Variants in ZNF804B observed in about 807,000 individuals in gnomAD.
ZNF804B encodes the protein zinc finger protein 804B, also known as zinc finger 804B.
ZNF804B carries 80 observed loss-of-function variants against 101.4 expected under a neutral mutation model. That is an observed-to-expected ratio of 0.79 (90% CI 0.66 to 0.95). The LOEUF (loss-of-function observed/expected upper bound fraction) is 0.95. Among genes scored for constraint, ZNF804B ranks in the 40% least tolerant of loss-of-function variants. ZNF804B has a pLI of 0.00. For missense variants in ZNF804B, 1,673 were observed against 1,561.9 expected, an observed-to-expected ratio of 1.07 and a Z score of -1.20; for synonymous variants, 622 against 558.8, an observed-to-expected ratio of 1.11 and a Z score of -1.59.
intron 2 of ZNF804B, among the ~76,000 whole-genome samples, chr7:89,270,205 C>T (rs913627352): frequency 3.9e-5 from 6 of 152,098 alleles, no homozygotes; most frequent in Non-Finnish European, 7.4e-5. Flanking sequence ...TAGGTCTAAA[C>T]ATTTAAGTCT....
At chr7:89,154,663 G>C (rs936504380) in intron 1 of ZNF804B, among the ~76,000 whole-genome samples, 2 of 151,972 alleles carry the variant, frequency 1.3e-5, no homozygotes, top group African/African-American at 4.8e-5. Context: ...AAAAATCAAA[G>C]CAATTGACCT....
intron 1 of ZNF804B, among the ~76,000 whole-genome samples, chr7:89,129,158 G>C (rs1790511166): frequency 6.6e-6 from 1 of 151,894 alleles, no homozygotes; most frequent in Non-Finnish European, 1.5e-5. Context: ...ATAAATTCAG[G>C]ACATCATTTG....
intron 1 of ZNF804B, among the ~76,000 whole-genome samples, chr7:88,769,612 C>G (rs1442927859): frequency 6.6e-6 from 1 of 152,168 alleles, no homozygotes; most frequent in African/African-American, 2.4e-5. Flanking sequence ...TTGATCATTT[C>G]TTTCCTATTT....
At chr7:89,101,893 AT>A (rs1420449527) in intron 1 of ZNF804B, among the ~76,000 whole-genome samples, 2 of 151,840 alleles carry the variant, frequency 1.3e-5, no homozygotes, top group African/African-American at 4.8e-5. Flanking sequence ...TCCAGAGTCT[AT>A]TCCTTCCATC....
Position 89,165,112 on chromosome 7 carries a change from T to A in ZNF804B, c.109-53043T>A, listed in dbSNP as rs190609616. ...AATCTTGGTCTATCATATTCAGAGC[T>A]GGTGTTCCAAACTGATTATTCTGCT... On this transcript the variant is annotated intron_variant, in intron 1 of 3. Transcript: ENST00000333190. 7.6e-4 allele frequency among the ~76,000 whole-genome samples: 115 copies of A among 152,276 alleles called. 4 individuals carry two copies. In the East Asian group the frequency reaches 0.019, roughly 26 times the overall value.
rs189024681 is a variant in ZNF804B, at chr7:89,009,424, T to A, written c.109-208731T>A. On this transcript the variant is annotated intron_variant, in intron 1 of 3. Transcript: ENST00000333190. Reference sequence around the variant, plus strand: ...CAAGATAAATATTTTCTTAGGGAAATTTAATACCTGTCAAATTGAAAACAC... The same window carrying A: ...CAAGATAAATATTTTCTTAGGGAAAATTAATACCTGTCAAATTGAAAACAC... 7.6e-3 allele frequency among the ~76,000 whole-genome samples: 1,161 copies of A among 152,252 alleles called. 18 individuals are homozygous for A. Among genetic ancestry groups the A allele is most frequent in the African/African-American group, 0.027 (1,107 of 41,556 alleles).
In ZNF804B at chr7:89,156,014, T is replaced by TTTC. The variant is rs1297869244; in HGVS notation, c.109-62141_109-62140insTTC. On this transcript the variant is annotated intron_variant, in intron 1 of 3. Transcript: ENST00000333190. Reference sequence around the variant, plus strand: ...TTCCTTCTTTCTTTCTTTCTTTCTCTCTTTCCTTTCTTTCTTTCTTTCTTT... The same window carrying TTTC: ...TTCCTTCTTTCTTTCTTTCTTTCTCTTTCCTTTCCTTTCTTTCTTTCTTTCTTT... 1.4e-3 allele frequency among the ~76,000 whole-genome samples: 132 copies of TTTC among 91,344 alleles called. 1 individual carries two copies. The highest frequency in any genetic ancestry group is 4.2e-3 in the African/African-American group (115 of 27,478). The allele number at this position is 91,344 out of a possible 152,430, so 59.9% of individuals were successfully genotyped here. A position where few individuals can be genotyped will look rare whatever the true frequency, so the allele number is the denominator to read the frequency against.
chr7:89,194,653 T>A (rs1788517215), intron 1 of ZNF804B, among the ~76,000 whole-genome samples: 1 of 151,938 alleles, frequency 6.6e-6, no homozygotes, highest in Non-Finnish European at 1.5e-5. Context: ...GAGGGCTCTG[T>A]CCTGTTCCAT....
intron 1 of ZNF804B, among the ~76,000 whole-genome samples, chr7:89,108,223 C>CTTTTT (rs68099837): frequency 2.9e-5 from 4 of 140,340 alleles, no homozygotes; most frequent in African/African-American, 5.4e-5. Flanking sequence ...TAATTAGCTG[C>CTTTTT]TTTTTTTTTT....
intron 1 of ZNF804B, among the ~76,000 whole-genome samples, chr7:89,161,359 A>G (rs895022996): frequency 2.0e-5 from 3 of 152,058 alleles, no homozygotes; most frequent in African/African-American, 7.2e-5. Context: ...CCTATGTTAC[A>G]TGATCTCAAT....
At chr7:89,010,499 G>T (rs1026818410) in intron 1 of ZNF804B, among the ~76,000 whole-genome samples, 4 of 152,058 alleles carry the variant, frequency 2.6e-5, no homozygotes, top group Non-Finnish European at 5.9e-5. Flanking sequence ...TCCTTGGAGG[G>T]TTCCTAAAGC....
chr7:89,029,986 A>G (rs377584128), intron 1 of ZNF804B, among the ~76,000 whole-genome samples: 1 of 152,194 alleles, frequency 6.6e-6, no homozygotes, highest in East Asian at 1.9e-4. Flanking sequence ...ACAACTAAAT[A>G]TATCAGGGTT....
chr7:88,993,099 T>G (rs1793870160), intron 1 of ZNF804B, among the ~76,000 whole-genome samples: 1 of 152,032 alleles, frequency 6.6e-6, no homozygotes, highest in Admixed American at 6.6e-5. Context: ...ATATTTACTT[T>G]TTTGGTATTC....
intron 1 of ZNF804B, among the ~76,000 whole-genome samples, chr7:89,162,103 G>A (rs1791073920): frequency 1.3e-5 from 2 of 151,532 alleles, no homozygotes; most frequent in Non-Finnish European, 1.5e-5. Flanking sequence ...TCAGTCTGTA[G>A]CATGTGGACA....
rs1790911894 is a variant in ZNF804B at position 89,327,390 on chromosome 7, C to A, written c.296C>A (p.Ser99Tyr). Residue 99 changes from serine (S) to tyrosine (Y), a missense_variant, in exon 3 of 4, where the codon TCT becomes TAT. Coordinates refer to ENST00000333190, the MANE Select transcript of ZNF804B (RefSeq NM_181646.5). ...KQREFARNVA[S>Y]KSWKDEKKQE... is the part of the protein sequence containing the mutation. ...CGGGAATTTGCTCGAAATGTAGCTTCTAAGTCATGGAAAGATGAGAAAAAA... is the reference window on the plus strand; with the variant it reads ...CGGGAATTTGCTCGAAATGTAGCTTATAAGTCATGGAAAGATGAGAAAAAA... The A allele has an allele frequency of 6.2e-7, 1 of 1,610,302 alleles. No individual in the cohort carries two copies. Among genetic ancestry groups the A allele is most frequent in the Non-Finnish European group, 8.5e-7 (1 of 1,178,186 alleles).
intron 1 of ZNF804B, among the ~76,000 whole-genome samples, chr7:88,832,883 C>A (rs1474526756): frequency 6.6e-6 from 1 of 151,784 alleles, no homozygotes; most frequent in Middle Eastern, 3.2e-3. Flanking sequence ...CTGATAGCCA[C>A]ATTGAAAAAA....
At chr7:89,227,453 A>T (rs1789106742) in intron 2 of ZNF804B, among the ~76,000 whole-genome samples, 1 of 152,214 alleles carries the variant, frequency 6.6e-6, no homozygotes, top group African/African-American at 2.4e-5. Context: ...CCAGACAATC[A>T]TCTCCATCCT....
At chr7:88,895,650 C>T (rs1194867517) in intron 1 of ZNF804B, among the ~76,000 whole-genome samples, 1 of 152,070 alleles carries the variant, frequency 6.6e-6, no homozygotes, top group Admixed American at 6.6e-5. Flanking sequence ...AGGGTATACA[C>T]AAGATGAGAC....
At chr7:88,968,335 G>A (rs956104) in intron 1 of ZNF804B, among the ~76,000 whole-genome samples, 107,190 of 151,308 alleles carry the variant, frequency 0.71, 38,886 homozygotes, top group African/African-American at 0.88. Flanking sequence ...TCCCTGATAC[G>A]GAAAACCCTG....
Sources: allele counts gnomAD v4.1 joint callset (sites outside exome capture counted in the v4.1 genomes callset), GRCh38; gene constraint gnomAD v4.1.1; transcripts MANE v1.5; gene names NCBI Gene and HGNC (gene_info 2026-07-23, HGNC 2026-07-21).